The following ZNF385B variants were observed in gnomAD, a reference collection of about 807,000 sequenced individuals.
ZNF385B encodes the protein zinc finger protein 533.
ZNF385B carries 23 observed loss-of-function variants against 39.2 expected under a neutral mutation model. The ratio of observed to expected loss-of-function variants is 0.59; its 90% CI spans 0.42 to 0.83. ZNF385B has a LOEUF of 0.83. Ranked by LOEUF, ZNF385B falls within the 40% of genes least tolerant of loss-of-function variation. The pLI, the probability that ZNF385B is intolerant of heterozygous loss-of-function variation, is 0.00. For synonymous variants in ZNF385B, 205 were observed against 222.6 expected (o/e 0.92, Z 0.70); for missense variants, 552 against 598.9 (o/e 0.92, Z 0.82).
chr2:179,545,277 C>T (rs964777127), intron 3 of ZNF385B, among the ~76,000 whole-genome samples: 6 of 152,148 alleles, frequency 3.9e-5, no homozygotes, highest in Middle Eastern at 3.2e-3. Flanking sequence ...TGTTGGCCAA[C>T]GCTTTGCCTC....
intron 1 of ZNF385B, among the ~76,000 whole-genome samples, chr2:179,837,461 A>C (rs1708315142): frequency 6.6e-6 from 1 of 152,216 alleles, no homozygotes; most frequent in Non-Finnish European, 1.5e-5. Context: ...TCTTTTCTAA[A>C]GCACATTCAG....
At chr2:179,799,621 A>C (rs1705902479) in intron 1 of ZNF385B, among the ~76,000 whole-genome samples, 1 of 152,092 alleles carries the variant, frequency 6.6e-6, no homozygotes. Flanking sequence ...TAGCTGAATG[A>C]CTTTAGGCAA....
intron 3 of ZNF385B, among the ~76,000 whole-genome samples, chr2:179,588,765 G>T (rs1346167099): frequency 6.6e-6 from 1 of 152,094 alleles, no homozygotes; most frequent in African/African-American, 2.4e-5. Flanking sequence ...ACAATGCACT[G>T]CCCTTTGTGT....
chr2:179,599,318 A>G (rs1688234645), intron 3 of ZNF385B, among the ~76,000 whole-genome samples: 1 of 152,204 alleles, frequency 6.6e-6, no homozygotes, highest in Non-Finnish European at 1.5e-5. Flanking sequence ...TTGTGACTTA[A>G]TGTCAAGTTT....
intron 4 of ZNF385B, among the ~76,000 whole-genome samples, chr2:179,520,089 T>A (rs2058373305): frequency 2.0e-5 from 3 of 152,000 alleles, no homozygotes. Flanking sequence ...CCCAGCACTT[T>A]GGGAGGCTGA....
chr2:179,693,021 T>C (rs1017163947), intron 3 of ZNF385B, among the ~76,000 whole-genome samples: 1 of 152,238 alleles, frequency 6.6e-6, no homozygotes, highest in African/African-American at 2.4e-5. Context: ...GAAAATGCAA[T>C]CTTGGACTTC....
chr2:179,558,691 C>G (rs2061119736), intron 3 of ZNF385B, among the ~76,000 whole-genome samples: 1 of 152,024 alleles, frequency 6.6e-6, no homozygotes, highest in Non-Finnish European at 1.5e-5. Flanking sequence ...TATCCCAAGG[C>G]CACCAGAATT....
chr2:179,555,512 T>G (rs1196755491), intron 3 of ZNF385B, among the ~76,000 whole-genome samples: 1 of 149,678 alleles, frequency 6.7e-6, no homozygotes, highest in African/African-American at 2.5e-5. Flanking sequence ...TTTTAAAAAA[T>G]GCAGTCAATG....
At chr2:179,843,944 G>T (rs12465175) in intron 1 of ZNF385B, among the ~76,000 whole-genome samples, 1 of 152,202 alleles carries the variant, frequency 6.6e-6, no homozygotes, top group African/African-American at 2.4e-5. Flanking sequence ...CCAGCCTTGG[G>T]AGACAGCAAC....
intron 1 of ZNF385B, among the ~76,000 whole-genome samples, chr2:179,826,130 C>T (rs914865331): frequency 3.3e-5 from 5 of 152,158 alleles, no homozygotes; most frequent in African/African-American, 7.2e-5. Flanking sequence ...TGAAAAACAG[C>T]TGTCGAAAAT....
chr2:179,463,040 T>C (rs2051531191), intron 6 of ZNF385B, among the ~76,000 whole-genome samples: 2 of 152,174 alleles, frequency 1.3e-5, no homozygotes, highest in Admixed American at 1.3e-4. Context: ...TATATATACC[T>C]CAGAAGAGGT....
chr2:179,452,406 G>T (rs562913982), intron 6 of ZNF385B, among the ~76,000 whole-genome samples: 1 of 151,922 alleles, frequency 6.6e-6, no homozygotes, highest in Admixed American at 6.6e-5. Flanking sequence ...AGACTAATAT[G>T]CTAAGATAAA....
chr2:179,678,533 T>C (rs1355614359), intron 3 of ZNF385B, among the ~76,000 whole-genome samples: 1 of 152,206 alleles, frequency 6.6e-6, no homozygotes, highest in Non-Finnish European at 1.5e-5. Context: ...GGTGAAACTG[T>C]GTGCTTGAAG....
chr2:179,474,510 C>T (rs1446219879), intron 6 of ZNF385B, among the ~76,000 whole-genome samples: 2 of 152,108 alleles, frequency 1.3e-5, no homozygotes, highest in East Asian at 3.9e-4. Context: ...ATTGTTTTCC[C>T]CTCTCTGGGT....
chr2:179,448,101 T>G (rs1559233288), intron 6 of ZNF385B, among the ~76,000 whole-genome samples: 1 of 152,098 alleles, frequency 6.6e-6, no homozygotes, highest in Non-Finnish European at 1.5e-5. Flanking sequence ...TTTTTTATTC[T>G]TAGGTTGCAC....
chr2:179,802,825 T>C (rs1342822853), intron 1 of ZNF385B, among the ~76,000 whole-genome samples: 2 of 152,282 alleles, frequency 1.3e-5, no homozygotes, highest in South Asian at 2.1e-4. Flanking sequence ...CTGCTTGTTA[T>C]AAGGTCTGCT....
intron 6 of ZNF385B, 63 bp from the exon 7 acceptor site, chr2:179,446,833 C>T (rs2049548578): frequency 6.7e-7 from 1 of 1,501,418 alleles, no homozygotes; most frequent in African/African-American, 1.4e-5. Context: ...AGATAAATCA[C>T]CATAGATGAA....
At chr2:179,490,172 A>C (rs1339936789) in intron 5 of ZNF385B, among the ~76,000 whole-genome samples, 1 of 152,206 alleles carries the variant, frequency 6.6e-6, no homozygotes, top group Non-Finnish European at 1.5e-5. Flanking sequence ...TTGCTTTCTA[A>C]GAAGAAAATG....
At chr2:179,755,776 A>G (rs1375317297) in intron 3 of ZNF385B, among the ~76,000 whole-genome samples, 8 of 151,860 alleles carry the variant, frequency 5.3e-5, no homozygotes, top group Non-Finnish European at 1.2e-4. Context: ...TCTGTTTTCC[A>G]TTTGCTTGGT....
Sources: gnomAD v4.1 joint callset for allele counts (sites outside exome capture counted in the v4.1 genomes callset) on GRCh38, gnomAD v4.1.1 for gene constraint, MANE v1.5 for transcripts, NCBI Gene and HGNC (gene_info 2026-07-23, HGNC 2026-07-21) for gene names.